Variants in NCOA2 observed in about 807,000 individuals in gnomAD.
The protein encoded by NCOA2 is nuclear receptor coactivator 2.
NCOA2 carries 21 observed loss-of-function variants against 145.1 expected under a neutral mutation model. That is an observed-to-expected ratio of 0.14 (90% CI 0.10 to 0.21). NCOA2 has a LOEUF of 0.21. Ranked by LOEUF, NCOA2 falls within the 10% of genes least tolerant of loss-of-function variation. The probability of loss-of-function intolerance (pLI) is 1.00; values close to 1 mark genes in which losing one functional copy is unlikely to be tolerated. For synonymous variants in NCOA2, 619 were observed against 637.5 expected, an observed-to-expected ratio of 0.97 and a Z score of 0.44; for missense variants, 1,472 against 1,837.6, an observed-to-expected ratio of 0.80 and a Z score of 3.64.
chr8:70,266,555 A>G (rs796130190), intron 2 of NCOA2, among the ~76,000 whole-genome samples: 7 of 152,308 alleles, frequency 4.6e-5, no homozygotes, highest in African/African-American at 1.7e-4. Context: ...AAAGCCCTGC[A>G]TGGGCTTTGC....
the NCOA2 span, chr8:70,424,594 C>T: frequency 1.5e-4 from 73 of 471,616 alleles, no homozygotes; most frequent in Middle Eastern, 7.4e-4. Context: ...GCACAAGCGG[C>T]GGTGTGCAGG....
chr8:70,286,128 C>T (rs917869423), intron 2 of NCOA2, among the ~76,000 whole-genome samples: 2 of 152,084 alleles, frequency 1.3e-5, no homozygotes, highest in Admixed American at 6.6e-5. Context: ...AAAAATATTT[C>T]CAGGCTGTGT....
rs1810701811 is a variant in NCOA2, at chr8:70,366,505, G to A, written c.-77+37195C>T. The stretch of plus-strand genomic sequence containing the variant: ...TTTAATACTCAGGGGCTTTCGGGGG[G>A]AGAAGAGTTCATATATATATATATT... On this transcript the variant is annotated intron_variant, in intron 1 of 22. Coordinates refer to ENST00000452400, the MANE Select transcript of NCOA2 (RefSeq NM_006540.4). Among the ~76,000 whole-genome samples the A allele has an allele frequency of 2.6e-5, 4 of 151,462 alleles. No individual in the cohort carries two copies. In the South Asian group the frequency reaches 8.3e-4, roughly 32 times the overall value.
intron 2 of NCOA2, among the ~76,000 whole-genome samples, chr8:70,231,539 T>A (rs539190089): frequency 1.3e-5 from 2 of 152,270 alleles, no homozygotes; most frequent in Admixed American, 6.5e-5. Context: ...TAAAGCAGAA[T>A]CCCTTGAGGA....
intron 12 of NCOA2, among the ~76,000 whole-genome samples, 188 bp from the exon 13 acceptor site, chr8:70,145,036 A>C (rs960540178): frequency 5.3e-5 from 8 of 152,226 alleles, no homozygotes; most frequent in African/African-American, 1.7e-4. Flanking sequence ...TGTGTGATCT[A>C]ATCAACTGGT....
chr8:70,144,929 T>C (rs1056605566), intron 12 of NCOA2, 81 bp from the exon 13 acceptor site: 16 of 1,301,984 alleles, frequency 1.2e-5, no homozygotes, highest in Non-Finnish European at 1.8e-5. Context: ...AGGGACAATG[T>C]CTGTAAAATG....
intron 2 of NCOA2, among the ~76,000 whole-genome samples, chr8:70,264,773 T>C (rs1441745857): frequency 1.3e-5 from 2 of 152,050 alleles, no homozygotes; most frequent in Admixed American, 1.3e-4. Context: ...ATTGTATATG[T>C]TCACAAAATG....
chr8:70,144,465 C>T (rs1810796030), intron 13 of NCOA2, among the ~76,000 whole-genome samples, 177 bp downstream of exon 13: 1 of 152,126 alleles, frequency 6.6e-6, no homozygotes, highest in African/African-American at 2.4e-5. Context: ...GTTAGCTCAC[C>T]CAAAGGCTTT....
the NCOA2 span, among the ~76,000 whole-genome samples, chr8:70,433,841 G>C: frequency 6.6e-6 from 1 of 152,022 alleles, no homozygotes; most frequent in East Asian, 1.9e-4. Context: ...AGGAGGAGAA[G>C]CACACATGCA....
intron 7 of NCOA2, among the ~76,000 whole-genome samples, chr8:70,164,565 C>G (rs959169034): frequency 2.0e-5 from 3 of 152,136 alleles, no homozygotes; most frequent in African/African-American, 7.2e-5. Context: ...CCTCTACAAT[C>G]AGTACTTCAC....
rs1354190708 is a variant in NCOA2, at chr8:70,112,013, C to T, written c.*1619G>A. 4 of 215,800 alleles carry T rather than the reference C, an allele frequency of 1.9e-5. No individual in the cohort carries two copies. The highest frequency in any genetic ancestry group is 2.8e-5 in the Non-Finnish European group (3 of 106,870). The allele number at this position is 215,800 out of a possible 1,614,324, so 13.4% of individuals were successfully genotyped here. On this transcript the variant is annotated 3_prime_UTR_variant, in exon 23 of 23. Transcript: ENST00000452400. ...GACACCTATTAATAAAAGATTTTTC[C>T]CCTACCAGAGTGGGCAAGAAAAACA...
chr8:70,121,197 T>A, intron 22 of NCOA2, 105 bp downstream of exon 22: 1 of 898,192 alleles, frequency 1.1e-6, no homozygotes. Flanking sequence ...ATTTTACGAT[T>A]ATCTTTAATC....
intron 2 of NCOA2, among the ~76,000 whole-genome samples, chr8:70,275,782 T>C (rs1825418423): frequency 6.6e-6 from 1 of 152,220 alleles, no homozygotes; most frequent in Non-Finnish European, 1.5e-5. Flanking sequence ...ATGGAACAGA[T>C]GCAACCAACA....
chr8:70,396,677 T>C (rs1421324422), intron 1 of NCOA2, among the ~76,000 whole-genome samples: 1 of 152,126 alleles, frequency 6.6e-6, no homozygotes, highest in East Asian at 1.9e-4. Context: ...TAGAGACTAT[T>C]CATGGGTCTT....
intron 1 of NCOA2, among the ~76,000 whole-genome samples, chr8:70,309,729 T>C (rs752123010): frequency 5.3e-5 from 8 of 151,866 alleles, no homozygotes; most frequent in Admixed American, 1.3e-4. Flanking sequence ...CATGGGAGGA[T>C]TGCTTGAACC....
chr8:70,181,862 G>A (rs1271968634), intron 4 of NCOA2, among the ~76,000 whole-genome samples: 1 of 152,216 alleles, frequency 6.6e-6, no homozygotes, highest in Non-Finnish European at 1.5e-5. Context: ...CCCAGCAGCA[G>A]TGAGACCTAC....
intron 1 of NCOA2, among the ~76,000 whole-genome samples, chr8:70,323,308 G>A (rs986756803): frequency 2.0e-5 from 3 of 152,134 alleles, no homozygotes; most frequent in East Asian, 3.9e-4. Context: ...TTAGTATAAT[G>A]GCTAGCTAAA....
At chr8:70,337,198 GGAGT>G (rs1223304986) in intron 1 of NCOA2, among the ~76,000 whole-genome samples, 1 of 134,608 alleles carries the variant, frequency 7.4e-6, no homozygotes, top group Non-Finnish European at 1.5e-5. Flanking sequence ...GCACTGCTGA[GGAGT>G]GTGTGTGTGT....
At chr8:70,299,365 T>G (rs2135797878) in intron 1 of NCOA2, among the ~76,000 whole-genome samples, 1 of 152,284 alleles carries the variant, frequency 6.6e-6, no homozygotes, top group East Asian at 1.9e-4. Flanking sequence ...GGGATAATTT[T>G]GGGGATATCT....
Sources: allele counts gnomAD v4.1 joint callset (sites outside exome capture counted in the v4.1 genomes callset), GRCh38; gene constraint gnomAD v4.1.1; transcripts MANE v1.5; gene names NCBI Gene and HGNC (gene_info 2026-07-23, HGNC 2026-07-21).